FRYL: variants seen among roughly 807,000 people sequenced by gnomAD.
The protein encoded by FRYL is protein furry homolog-like.
In FRYL, 150 loss-of-function variants were observed where a neutral mutation model predicts 351.2. The ratio of observed to expected loss-of-function variants is 0.43; its 90% CI spans 0.37 to 0.49. FRYL has a LOEUF of 0.49. Among genes scored for constraint, FRYL ranks in the 20% least tolerant of loss-of-function variants. The pLI is 0.00. For synonymous variants in FRYL, 1,153 were observed against 1,257.1 expected (o/e 0.92, Z 1.75); for missense variants, 3,036 against 3,619.3 (o/e 0.84, Z 4.13).
intron 3 of FRYL, among the ~76,000 whole-genome samples, chr4:48,684,223 T>A (rs969140682): frequency 6.6e-6 from 1 of 152,188 alleles, no homozygotes; most frequent in Non-Finnish European, 1.5e-5. Flanking sequence ...TGAAGATATG[T>A]CTCTCTACCC....
chr4:48,538,530 G>A (rs1298939716), intron 47 of FRYL, among the ~76,000 whole-genome samples: 1 of 152,126 alleles, frequency 6.6e-6, no homozygotes, highest in Non-Finnish European at 1.5e-5. Flanking sequence ...GGAGATAAAT[G>A]TGTACTTAGC....
In FRYL at chr4:48,540,789, G is replaced by T. The variant is rs1407769859; in HGVS notation, c.5859C>A (p.Asp1953Glu). ...TATCCAGTGTGTTACTCCGCCGCCG[G>T]TCACCTCGTCGGTCACCAATCAAAC... Reference protein sequence around the residue: ...RLSLIGDRRGDRRRSNTLDIM... With the variant: ...RLSLIGDRRGERRRSNTLDIM... The change falls in exon 46 of 64, where the codon GAC (aspartate) becomes GAA (glutamate). Residue 1953 changes from aspartate (D) to glutamate (E), a missense_variant. By Grantham distance (45) the Asp-to-Glu change is conservative. Transcript: ENST00000358350. 6.2e-7 allele frequency: 1 copy of T among 1,613,866 alleles called. No individual in the cohort carries two copies. The highest frequency in any genetic ancestry group is 1.1e-5 in the South Asian group (1 of 91,058).
At chr4:48,769,995 G>A (rs1318609472) in intron 1 of FRYL, among the ~76,000 whole-genome samples, 1 of 152,078 alleles carries the variant, frequency 6.6e-6, no homozygotes, top group Non-Finnish European at 1.5e-5. Flanking sequence ...CTGTGGTGGT[G>A]GCAGTTATAC....
intron 43 of FRYL, 80 bp from the exon 44 acceptor site, chr4:48,544,077 T>A: frequency 8.2e-7 from 1 of 1,224,668 alleles, no homozygotes; most frequent in Non-Finnish European, 1.2e-6. Context: ...TGAATCATCT[T>A]AAAGCTAGCA....
At chr4:48,558,066 C>T (rs1177133564) in intron 33 of FRYL, among the ~76,000 whole-genome samples, 1 of 152,068 alleles carries the variant, frequency 6.6e-6, no homozygotes, top group East Asian at 1.9e-4. Flanking sequence ...TCTGAGTATA[C>T]ATTGAAAAAA....
intron 59 of FRYL, among the ~76,000 whole-genome samples, chr4:48,508,092 CAGTGCAA>C (rs2148747439): frequency 6.6e-6 from 1 of 152,274 alleles, no homozygotes; most frequent in East Asian, 1.9e-4. Flanking sequence ...TTAATTGTTA[CAGTGCAA>C]ACATAGCCAT....
chr4:48,575,083 T>C, intron 25 of FRYL, 34 bp downstream of exon 25: 2 of 1,609,432 alleles, frequency 1.2e-6, no homozygotes, highest in Non-Finnish European at 1.7e-6. Context: ...ATTTATTCTT[T>C]TAGGACATAG....
Position 48,576,023 on chromosome 4 carries a change from A to C in FRYL, c.2721+7T>G. 1.3e-6 allele frequency: 2 copies of C among 1,566,002 alleles called. No homozygotes were observed. Among genetic ancestry groups the C allele is most frequent in the Non-Finnish European group, 1.7e-6 (2 of 1,158,932 alleles). Reference sequence around the variant, plus strand: ...CATATATCCAACAGTGGATCTGAGAAACTTACTTTAGAATCAATGCTATAG... The same window carrying C: ...CATATATCCAACAGTGGATCTGAGACACTTACTTTAGAATCAATGCTATAG... On this transcript the variant is annotated splice_region_variant and intron_variant, in intron 24 of 63. Coordinates refer to ENST00000358350, the MANE Select transcript of FRYL (RefSeq NM_015030.2).
At chr4:48,644,395 A>T (rs958459775) in intron 3 of FRYL, among the ~76,000 whole-genome samples, 2 of 152,040 alleles carry the variant, frequency 1.3e-5, no homozygotes, top group Non-Finnish European at 2.9e-5. Context: ...TCAGAACATA[A>T]CTATAATCAA....
At chr4:48,537,069 C>T (rs1256061332) in intron 47 of FRYL, among the ~76,000 whole-genome samples, 2 of 152,116 alleles carry the variant, frequency 1.3e-5, no homozygotes, top group Non-Finnish European at 2.9e-5. Flanking sequence ...GGGTTGGTAT[C>T]TCTTATTTGC....
chr4:48,741,405 T>C (rs1772048194), intron 1 of FRYL, among the ~76,000 whole-genome samples: 1 of 152,032 alleles, frequency 6.6e-6, no homozygotes, highest in Non-Finnish European at 1.5e-5. Flanking sequence ...CCAGGCTTGG[T>C]GGTACACGCC....
Position 48,653,805 on chromosome 4 carries a change from A to C in FRYL, c.-80-19315T>G, listed in dbSNP as rs891678710. ...TCAACATAGTGTCTCAATCAGCTGCAAAAGCAGCAGCAGCAGCAGCAGCAG... is the reference window on the plus strand; with the variant it reads ...TCAACATAGTGTCTCAATCAGCTGCCAAAGCAGCAGCAGCAGCAGCAGCAG... On this transcript the variant is annotated intron_variant, in intron 3 of 63. Coordinates refer to ENST00000358350, the MANE Select transcript of FRYL (RefSeq NM_015030.2). The C allele has an allele frequency of 7.1e-6, 9 of 1,262,382 alleles. No individual in the cohort carries two copies. The Admixed American group carries it at 1.9e-4, about 27-fold the overall frequency. 78.2% of individuals were successfully genotyped at this position (1,262,382 alleles called of 1,614,324 possible).
At chr4:48,630,750 T>C (rs1034332622) in intron 4 of FRYL, among the ~76,000 whole-genome samples, 2 of 152,312 alleles carry the variant, frequency 1.3e-5, no homozygotes, top group Non-Finnish European at 2.9e-5. Context: ...TGGTTTCTAA[T>C]GTAAGAATGA....
chr4:48,563,075 C>A, intron 31 of FRYL, 87 bp from the exon 32 acceptor site: 4 of 823,110 alleles, frequency 4.9e-6, no homozygotes, highest in Non-Finnish European at 6.0e-6. Flanking sequence ...AAGGGCAAGG[C>A]TTATAGGCAT....
intron 50 of FRYL, 40 bp downstream of exon 50, chr4:48,531,116 T>C: frequency 8.1e-7 from 1 of 1,232,134 alleles, no homozygotes; most frequent in Non-Finnish European, 1.2e-6. Context: ...CAAATGAAAA[T>C]TCCTAGTAGA....
intron 13 of FRYL, among the ~76,000 whole-genome samples, chr4:48,597,585 AT>A (rs1182657561): frequency 5.3e-5 from 8 of 152,192 alleles, no homozygotes; most frequent in South Asian, 2.1e-4. Context: ...TCTAAAAAAA[AT>A]AAAGTCTTAA....
intron 3 of FRYL, among the ~76,000 whole-genome samples, chr4:48,642,887 T>C (rs1353448575): frequency 6.6e-6 from 1 of 152,170 alleles, no homozygotes; most frequent in Non-Finnish European, 1.5e-5. Context: ...CAGACTTGAC[T>C]TGGCTACTCA....
chr4:48,626,961 C>T (rs549115590), intron 4 of FRYL, among the ~76,000 whole-genome samples: 2 of 152,138 alleles, frequency 1.3e-5, no homozygotes, highest in East Asian at 3.9e-4. Flanking sequence ...CTTTAGTACT[C>T]GGGTCTCTGG....
intron 4 of FRYL, among the ~76,000 whole-genome samples, chr4:48,632,649 A>G (rs934739868): frequency 6.6e-6 from 1 of 151,924 alleles, no homozygotes; most frequent in African/African-American, 2.4e-5. Context: ...GTGGAAAGCA[A>G]TCATGGGATG....
Sources: gnomAD v4.1 joint callset for allele counts (sites outside exome capture counted in the v4.1 genomes callset) on GRCh38, gnomAD v4.1.1 for gene constraint, MANE v1.5 for transcripts, NCBI Gene and HGNC (gene_info 2026-07-23, HGNC 2026-07-21) for gene names.